Variants in CD200R1 observed in about 807,000 individuals in gnomAD.
The protein encoded by CD200R1 is cell surface glycoprotein CD200 receptor 1.
Under a neutral mutation model 38.1 loss-of-function variants are expected in CD200R1, and 30 were observed. The ratio of observed to expected loss-of-function variants is 0.79; its 90% CI spans 0.59 to 1.07. CD200R1 has a LOEUF of 1.07. CD200R1 is among the 50% of genes least tolerant of loss of function. The pLI is 0.00. For missense variants in CD200R1, 372 were observed against 415.4 expected, an observed-to-expected ratio of 0.90 and a Z score of 0.91; for synonymous variants, 128 against 152.1, an observed-to-expected ratio of 0.84 and a Z score of 1.16.
intron 1 of CD200R1, among the ~76,000 whole-genome samples, chr3:112,953,780 A>G (rs1941024103): frequency 6.6e-6 from 1 of 152,166 alleles, no homozygotes; most frequent in Non-Finnish European, 1.5e-5. Context: ...TTTCTACAGT[A>G]TAAGTTGTAA....
At chr3:112,930,252 G>A (rs139324506) in intron 3 of CD200R1, among the ~76,000 whole-genome samples, 3,266 of 152,044 alleles carry the variant, frequency 0.021, 39 homozygotes, top group South Asian at 0.047. Context: ...TTTAAAAAAC[G>A]ATTTATTTCC....
chr3:112,960,616 A>T (rs1016975324), intron 1 of CD200R1, among the ~76,000 whole-genome samples: 9 of 152,072 alleles, frequency 5.9e-5, no homozygotes, highest in Admixed American at 2.0e-4. Flanking sequence ...AAAAGACAAT[A>T]TAAATGTTAT....
chr3:112,953,933 CTA>C (rs1941028099), intron 1 of CD200R1, among the ~76,000 whole-genome samples: 1 of 151,798 alleles, frequency 6.6e-6, no homozygotes, highest in Admixed American at 6.6e-5. Flanking sequence ...TTTCTAGTCT[CTA>C]TTTTATTTAT....
intron 2 of CD200R1, among the ~76,000 whole-genome samples, chr3:112,944,002 T>A (rs1335993111): frequency 6.6e-6 from 1 of 151,898 alleles, no homozygotes; most frequent in Non-Finnish European, 1.5e-5. Flanking sequence ...CAATAATTAA[T>A]AACCTTTCAG....
chr3:112,945,544 A>T (rs1311353488), intron 2 of CD200R1, among the ~76,000 whole-genome samples: 2 of 152,214 alleles, frequency 1.3e-5, no homozygotes, highest in African/African-American at 4.8e-5. Context: ...CACCTTTCAC[A>T]AAAATAAACT....
At chr3:112,958,774 T>TTTTTAAAAAATTATTTTTAAGTA (rs1377812750) in intron 1 of CD200R1, among the ~76,000 whole-genome samples, 1 of 152,132 alleles carries the variant, frequency 6.6e-6, no homozygotes, top group African/African-American at 2.4e-5. Flanking sequence ...AAAATAATGT[T>TTTTTAAAAAATTATTTTTAAGTA]TTTTAAAAAA....
At chr3:112,971,395 T>A (rs1474583320) in intron 1 of CD200R1, among the ~76,000 whole-genome samples, 1 of 152,202 alleles carries the variant, frequency 6.6e-6, no homozygotes, top group Non-Finnish European at 1.5e-5. Flanking sequence ...GAGGGCTGAC[T>A]GTATTTCCAA....
At chr3:112,929,941 CA>C (rs937352519) in intron 3 of CD200R1, among the ~76,000 whole-genome samples, 15 of 151,938 alleles carry the variant, frequency 9.9e-5, no homozygotes, top group African/African-American at 3.4e-4. Context: ...TTGGTGAGCA[CA>C]AAAAAGTCTA....
chr3:112,950,955 G>A (rs1016241760), intron 1 of CD200R1, among the ~76,000 whole-genome samples: 6 of 151,874 alleles, frequency 4.0e-5, no homozygotes, highest in Non-Finnish European at 7.4e-5. Flanking sequence ...TAATTTTAAA[G>A]GAAGAAATGT....
Position 112,947,887 on chromosome 3 carries a change from C to G in CD200R1, c.105G>C (p.Met35Ile). Residue 35 changes from methionine to isoleucine, a missense_variant, in exon 2 of 8, where the codon ATG becomes ATC. Physicochemically the swap from Met to Ile is conservative, Grantham distance 10 (BLOSUM62 1). Transcript: ENST00000308611. ...EGAAQPNNSLMLQTSKENHAL... is the reference protein window; with the variant it reads ...EGAAQPNNSLILQTSKENHAL... ...CATGATTCTCCTTGCTAGTTTGCAGCATTAATGAGTTGTTTGGTTGAGCAG... is the reference window on the plus strand; with the variant it reads ...CATGATTCTCCTTGCTAGTTTGCAGGATTAATGAGTTGTTTGGTTGAGCAG... 1 of 1,613,108 alleles carries G rather than the reference C, an allele frequency of 6.2e-7. No individual in the cohort carries two copies. Among genetic ancestry groups the G allele is most frequent in the Non-Finnish European group, 8.5e-7 (1 of 1,179,158 alleles).
At chr3:112,932,569 C>T (rs1453697267) in intron 2 of CD200R1, among the ~76,000 whole-genome samples, 1 of 151,962 alleles carries the variant, frequency 6.6e-6, no homozygotes, top group Non-Finnish European at 1.5e-5. Flanking sequence ...AGCCCCATGC[C>T]CTCACTCAAG....
chr3:112,927,252 TCA>T (rs1426359722), intron 5 of CD200R1, among the ~76,000 whole-genome samples: 2 of 151,996 alleles, frequency 1.3e-5, no homozygotes, highest in Non-Finnish European at 2.9e-5. Flanking sequence ...ACATGCACAC[TCA>T]CACACATACA....
intron 1 of CD200R1, among the ~76,000 whole-genome samples, chr3:112,970,756 G>A (rs1025769154): frequency 6.6e-6 from 1 of 152,088 alleles, no homozygotes; most frequent in Non-Finnish European, 1.5e-5. Flanking sequence ...TCTCTCATTT[G>A]TTCCCATTAC....
chr3:112,924,001 C>G (rs1940227694), intron 7 of CD200R1, among the ~76,000 whole-genome samples: 1 of 151,804 alleles, frequency 6.6e-6, no homozygotes, highest in Non-Finnish European at 1.5e-5. Flanking sequence ...ACATAAGTCT[C>G]TGTGTGGAGA....
chr3:112,956,339 C>G (rs980809789), intron 1 of CD200R1, among the ~76,000 whole-genome samples: 1 of 151,796 alleles, frequency 6.6e-6, no homozygotes, highest in Non-Finnish European at 1.5e-5. Context: ...TTTTTCAGCA[C>G]TAGGATTTCT....
chr3:112,929,989 G>T (rs1940386984), intron 3 of CD200R1, among the ~76,000 whole-genome samples: 1 of 151,918 alleles, frequency 6.6e-6, no homozygotes, highest in South Asian at 2.1e-4. Context: ...CATAAATGTG[G>T]TATGTATTAA....
At chr3:112,956,632 TCATAG>T (rs1192673433) in intron 1 of CD200R1, among the ~76,000 whole-genome samples, 2 of 152,182 alleles carry the variant, frequency 1.3e-5, no homozygotes, top group African/African-American at 4.8e-5. Flanking sequence ...AGTAGGCACT[TCATAG>T]ATTGACTCTG....
intron 1 of CD200R1, among the ~76,000 whole-genome samples, chr3:112,970,690 T>G (rs1392785): frequency 1.3e-5 from 2 of 152,150 alleles, no homozygotes; most frequent in East Asian, 3.9e-4. Flanking sequence ...ATTAACTAAA[T>G]GCCATTAACT....
At chr3:112,932,954 G>T (rs1045119260) in intron 2 of CD200R1, among the ~76,000 whole-genome samples, 5 of 152,030 alleles carry the variant, frequency 3.3e-5, no homozygotes, top group African/African-American at 1.2e-4. Flanking sequence ...CTGAGTGTCT[G>T]CATGATTATG....
Sources: allele counts gnomAD v4.1 joint callset (sites outside exome capture counted in the v4.1 genomes callset), GRCh38; gene constraint gnomAD v4.1.1; transcripts MANE v1.5; gene names NCBI Gene and HGNC (gene_info 2026-07-23, HGNC 2026-07-21).